Variants in SPON1 observed in about 807,000 individuals in gnomAD.
The protein encoded by SPON1 is spondin 1, also known as spondin-1.
Under a neutral mutation model 111.7 loss-of-function variants are expected in SPON1, and 52 were observed. The ratio of observed to expected loss-of-function variants is 0.47; its 90% CI spans 0.37 to 0.59. The LOEUF is 0.59. Ranked by LOEUF, SPON1 falls within the 20% of genes least tolerant of loss-of-function variation. The pLI is 0.00. For synonymous variants in SPON1, 410 were observed against 395.8 expected, an observed-to-expected ratio of 1.04 and a Z score of -0.43; for missense variants, 957 against 1,068.5, an observed-to-expected ratio of 0.90 and a Z score of 1.46.
chr11:14,176,476 C>T (rs1554933094), intron 6 of SPON1, among the ~76,000 whole-genome samples: 2 of 152,156 alleles, frequency 1.3e-5, no homozygotes, highest in East Asian at 3.9e-4. Flanking sequence ...CATGGTAGAG[C>T]TACAAAGAGA....
intron 5 of SPON1, among the ~76,000 whole-genome samples, chr11:14,089,668 G>T (rs1469917162): frequency 6.6e-6 from 1 of 152,158 alleles, no homozygotes; most frequent in Admixed American, 6.5e-5. Context: ...CTCTGTGCTG[G>T]TAGAATCCTC....
intron 2 of SPON1, among the ~76,000 whole-genome samples, chr11:13,998,884 G>C (rs1554912123): frequency 6.6e-6 from 1 of 152,140 alleles, no homozygotes; most frequent in Non-Finnish European, 1.5e-5. Context: ...TTCTTTAATA[G>C]ACAATACATA....
intron 6 of SPON1, among the ~76,000 whole-genome samples, chr11:14,197,735 G>C (rs893592962): frequency 2.6e-5 from 4 of 151,892 alleles, no homozygotes; most frequent in Admixed American, 2.0e-4. Flanking sequence ...AGAATCGCTT[G>C]AACCTGGAGG....
chr11:14,230,035 A>G (rs1848781275), intron 6 of SPON1, among the ~76,000 whole-genome samples: 1 of 151,916 alleles, frequency 6.6e-6, no homozygotes, highest in African/African-American at 2.4e-5. Context: ...GCCACAACAC[A>G]AAATTTCTCC....
intron 6 of SPON1, among the ~76,000 whole-genome samples, chr11:14,197,530 G>T (rs1022288881): frequency 7.1e-6 from 1 of 141,456 alleles, no homozygotes; most frequent in Non-Finnish European, 1.6e-5. Flanking sequence ...TAAACAAGTG[G>T]GGGCTGCGCA....
chr11:13,975,581 G>A (rs1015955915), intron 1 of SPON1, among the ~76,000 whole-genome samples: 4 of 152,120 alleles, frequency 2.6e-5, no homozygotes, highest in African/African-American at 9.7e-5. Context: ...TGGGTGAGAG[G>A]TATTCCAGAA....
chr11:14,230,823 CTG>C (rs1278621567), intron 6 of SPON1, among the ~76,000 whole-genome samples: 1 of 152,096 alleles, frequency 6.6e-6, no homozygotes. Flanking sequence ...GGGTCTCACT[CTG>C]TCACCCAGAC....
At chr11:14,092,508 C>G (rs1161399774) in intron 5 of SPON1, among the ~76,000 whole-genome samples, 1 of 152,130 alleles carries the variant, frequency 6.6e-6, no homozygotes, top group Admixed American at 6.5e-5. Context: ...TACCCAGTCT[C>G]TGCAGGTGGG....
Position 14,257,709 on chromosome 11 carries a change from T to C in SPON1, c.1310-7T>C. On this transcript the variant is annotated splice_polypyrimidine_tract_variant and splice_region_variant and intron_variant, in intron 10 of 15. Coordinates refer to ENST00000576479, the MANE Select transcript of SPON1 (RefSeq NM_006108.4). The stretch of plus-strand genomic sequence containing the variant: ...CCCAGGGAAAACATGTCAAACACTC[T>C]TTCCAGATGACACCCCTGAAACCTG... 6.2e-7 allele frequency: 1 copy of C among 1,600,468 alleles called. No homozygotes were observed. The highest frequency in any genetic ancestry group is 8.5e-7 in the Non-Finnish European group (1 of 1,171,986).
At chr11:14,042,877 AC>A (rs1564892045) in intron 3 of SPON1, among the ~76,000 whole-genome samples, 1 of 152,106 alleles carries the variant, frequency 6.6e-6, no homozygotes, top group African/African-American at 2.4e-5. Flanking sequence ...GTCCAGACTC[AC>A]CCGTCATTGT....
chr11:14,092,397 G>A (rs1849066683), intron 5 of SPON1, among the ~76,000 whole-genome samples: 3 of 152,210 alleles, frequency 2.0e-5, no homozygotes, highest in Admixed American at 6.5e-5. Context: ...GAGAACCTCT[G>A]CAATAGGTAA....
chr11:14,189,428 CA>C (rs1291253362), intron 6 of SPON1, among the ~76,000 whole-genome samples: 1 of 152,178 alleles, frequency 6.6e-6, no homozygotes, highest in African/African-American at 2.4e-5. Flanking sequence ...TACCAGGGCT[CA>C]TTTGCACAGC....
rs981286828 is a variant in SPON1 at position 14,189,874 on chromosome 11, G to A, written c.826-53458G>A. Among the ~76,000 whole-genome samples, 3 of 152,300 alleles carry A rather than the reference G, an allele frequency of 2.0e-5. No homozygotes were observed. The East Asian group carries it at 5.8e-4, about 29-fold the overall frequency. ...TCATTTCAAAGCTGGAATTCATGAA[G>A]TTAGAAACACAGACAGTTAGCTGGT... On this transcript the variant is annotated intron_variant, in intron 6 of 15. Coordinates refer to ENST00000576479, the MANE Select transcript of SPON1 (RefSeq NM_006108.4).
chr11:14,027,446 C>T (rs73422155), intron 2 of SPON1, among the ~76,000 whole-genome samples: 188 of 152,288 alleles, frequency 1.2e-3, no homozygotes, highest in African/African-American at 4.4e-3. Flanking sequence ...TGGAAAACAC[C>T]ATCCCTTCTC....
intron 6 of SPON1, among the ~76,000 whole-genome samples, chr11:14,144,657 A>G: frequency 6.7e-6 from 1 of 148,942 alleles, no homozygotes; most frequent in East Asian, 1.9e-4. Context: ...AATAATAATA[A>G]TAATAATAAT....
At chr11:14,010,200 G>A (rs1554913559) in intron 2 of SPON1, among the ~76,000 whole-genome samples, 1 of 152,162 alleles carries the variant, frequency 6.6e-6, no homozygotes, top group African/African-American at 2.4e-5. Context: ...TAATTCAGCT[G>A]GAGAGGTACA....
Position 14,266,995 on chromosome 11 carries a change from C to T in SPON1, c.*1308C>T, listed in dbSNP as rs555065117. On this transcript the variant is annotated 3_prime_UTR_variant, in exon 16 of 16. Coordinates refer to ENST00000576479, the MANE Select transcript of SPON1 (RefSeq NM_006108.4). ...TTGGGTCCATCAGCAGTTTTTCTTCCTGCATTTATTGTTGAAAACTATTGT... is the reference window on the plus strand; with the variant it reads ...TTGGGTCCATCAGCAGTTTTTCTTCTTGCATTTATTGTTGAAAACTATTGT... The T allele has an allele frequency of 2.0e-5, 3 of 152,304 alleles. No individual in the cohort carries two copies. The highest frequency in any genetic ancestry group is 2.0e-4 in the Admixed American group (3 of 15,294). The allele number at this position is 152,304 out of a possible 1,614,324, so 9.4% of individuals were successfully genotyped here.
intron 5 of SPON1, among the ~76,000 whole-genome samples, chr11:14,111,937 T>C (rs1849229688): frequency 6.6e-6 from 1 of 151,706 alleles, no homozygotes; most frequent in South Asian, 2.1e-4. Context: ...AACAAGTCAA[T>C]AGAATTGTGA....
chr11:14,095,668 T>C (rs1355935816), intron 5 of SPON1, among the ~76,000 whole-genome samples: 2 of 152,110 alleles, frequency 1.3e-5, no homozygotes, highest in African/African-American at 4.8e-5. Context: ...TGTAAAGAAA[T>C]GGATTTCTTC....
Sources: allele counts gnomAD v4.1 joint callset (sites outside exome capture counted in the v4.1 genomes callset), GRCh38; gene constraint gnomAD v4.1.1; transcripts MANE v1.5; gene names NCBI Gene and HGNC (gene_info 2026-07-23, HGNC 2026-07-21).